Variants in NRIP2 observed in about 807,000 individuals in gnomAD.
The protein encoded by NRIP2 is nuclear receptor interacting protein 2.
NRIP2 carries 27 observed loss-of-function variants against 34.1 expected under a neutral mutation model. The ratio of observed to expected loss-of-function variants is 0.79; its 90% CI spans 0.58 to 1.09. NRIP2 has a LOEUF of 1.09. NRIP2 is among the 50% of genes least tolerant of loss of function. The pLI, the probability that NRIP2 is intolerant of heterozygous loss-of-function variation, is 0.00. For missense variants in NRIP2, 385 were observed against 352.6 expected (o/e 1.09, Z -0.74); for synonymous variants, 145 against 146.9 (o/e 0.99, Z 0.09).
intron 2 of NRIP2, chr12:2,830,492 G>T: frequency 4.0e-6 from 2 of 499,010 alleles, no homozygotes; most frequent in Non-Finnish European, 7.1e-6. Context: ...AGGAAGGGGG[G>T]CAGAGTAATG....
In NRIP2 at chr12:2,830,816, C is replaced by G; in HGVS notation, c.387G>C (p.Pro129=). The G allele has an allele frequency of 6.2e-7, 1 of 1,613,700 alleles. No homozygotes were observed. The highest frequency in any genetic ancestry group is 2.2e-5 in the East Asian group (1 of 44,846). Reference sequence around the variant, plus strand: ...GGGGAGGCTCCCCCTGAAGCCAATTCGGGTTTCCCTCCACCAGGCGTCTTT... The same window carrying G: ...GGGGAGGCTCCCCCTGAAGCCAATTGGGGTTTCCCTCCACCAGGCGTCTTT... ...VIQRRLVEGN[P]NWLQGEPPRM... is the part of the protein sequence containing the mutation. The change falls in exon 2 of 6, where the codon CCG becomes CCC. Residue 129 remains proline (P), a synonymous_variant. Transcript: ENST00000337508.
At chr12:2,834,389 C>T (rs1409594594) in intron 1 of NRIP2, among the ~76,000 whole-genome samples, 1 of 152,174 alleles carries the variant, frequency 6.6e-6, no homozygotes. Flanking sequence ...TCCTCACCAC[C>T]CTCAAGTTTG....
chr12:2,830,721 A>C lies in NRIP2; in HGVS notation c.482T>G (p.Leu161Arg), dbSNP rs774142954. ...KTSRTEIPAL[L>R]VNCKCQDQLL... ...GAGGCCTCTCACCTTGCAGTTGACC[A>C]GAAGAGCTGGAATCTCTGTCCTGCT... is the stretch of plus-strand genomic sequence containing the variant. The change falls in exon 2 of 6, where the codon CTG becomes CGG. Residue 161 changes from leucine to arginine, a missense_variant. Transcript: ENST00000337508. The C allele has an allele frequency of 1.9e-6, 3 of 1,612,168 alleles. No individual in the cohort carries two copies. The highest frequency in any genetic ancestry group is 2.5e-6 in the Non-Finnish European group (3 of 1,179,236).
At chr12:2,828,988 C>G (rs1042677630) in intron 2 of NRIP2, among the ~76,000 whole-genome samples, 2 of 151,834 alleles carry the variant, frequency 1.3e-5, no homozygotes, top group African/African-American at 4.8e-5. Context: ...TCACTTGAAG[C>G]CAGGAGTTCA....
Position 2,830,967 on chromosome 12 carries a change from C to G in NRIP2, c.343-107G>C, listed in dbSNP as rs11612419. On this transcript the variant is annotated intron_variant, in intron 1 of 5. Transcript: ENST00000337508. ...CAGGATGCTCCCCCCACCCCCCCAG[C>G]CCTGAGCCTTACCCTAGGAGTTTAC... 1.2e-5 allele frequency: 15 copies of G among 1,206,840 alleles called. 1 individual carries two copies. In the Admixed American group the frequency reaches 1.9e-4, roughly 15 times the overall value. The allele number at this position is 1,206,840 out of a possible 1,614,324, so 74.8% of individuals were successfully genotyped here. A position where few individuals can be genotyped will look rare whatever the true frequency, so the allele number is the denominator to read the frequency against.
At chr12:2,829,385 C>T (rs574834996) in intron 2 of NRIP2, among the ~76,000 whole-genome samples, 5 of 152,258 alleles carry the variant, frequency 3.3e-5, no homozygotes, top group South Asian at 2.1e-4. Flanking sequence ...GATATGTTAC[C>T]GGAAGGTATA....
chr12:2,834,495 T>G, intron 1 of NRIP2, 147 bp downstream of exon 1: 1 of 1,155,022 alleles, frequency 8.7e-7, no homozygotes, highest in South Asian at 1.9e-5. Flanking sequence ...GAGCCTTGAG[T>G]TGGCAGGATG....
In NRIP2 at chr12:2,827,986, C is replaced by T. The variant is rs1202611325; in HGVS notation, c.640G>A (p.Val214Met). ...CCCAGCTGTAGCTCCAACTGCTCCA[C>T]CTGGGTTGGGGGCCCAGGGGCCAGG... Reference protein sequence around the residue: ...GDLAPGPPTQVEQLELQLGQE... With the variant: ...GDLAPGPPTQMEQLELQLGQE... Residue 214 changes from valine (V) to methionine (M), a missense_variant, in exon 4 of 6, where the codon GTG becomes ATG. By Grantham distance (21) the Val-to-Met change is conservative. Transcript: ENST00000337508. The surrounding 1 kb of genome is among the most constrained non-coding windows in gnomAD (Gnocchi z 4.0). 6.2e-7 allele frequency: 1 copy of T among 1,614,238 alleles called. No homozygotes were observed.
At position 2,827,794 on chromosome 12, in the gene NRIP2, A is replaced by G; in HGVS notation, c.701-117T>C. ...CATCCCCAGATCCGAGGACACTGGC[A>G]CAGAGATGGGGGATAGTCAGAACAT... On this transcript the variant is annotated intron_variant, in intron 4 of 5. Transcript: ENST00000337508. The surrounding 1 kb of genome is among the most constrained non-coding windows in gnomAD (Gnocchi z 4.0). 1 of 1,604,484 alleles carries G rather than the reference A, an allele frequency of 6.2e-7. No homozygotes were observed. Among genetic ancestry groups the G allele is most frequent in the South Asian group, 1.1e-5 (1 of 89,734 alleles).
rs781702788 is a variant in NRIP2, at chr12:2,830,750, C to G, written c.453G>C (p.Lys151Asn). 29 of 1,613,712 alleles carry G rather than the reference C, an allele frequency of 1.8e-5. No individual in the cohort carries two copies. The highest frequency in any genetic ancestry group is 2.5e-5 in the Non-Finnish European group (29 of 1,179,908). ...DLIHGQESRR[K>N]TSRTEIPALL... ...GAGCTGGAATCTCTGTCCTGCTGGT[C>G]TTCCTCCTGCTCTCCTGGCCATGAA... The change falls in exon 2 of 6, where the codon AAG (lysine) becomes AAC (asparagine). Residue 151 changes from lysine to asparagine, a missense_variant. By Grantham distance (94) the Lys-to-Asn change is moderately conservative. Coordinates refer to ENST00000337508, the MANE Select transcript of NRIP2 (RefSeq NM_031474.3).
At chr12:2,828,464 T>G in intron 2 of NRIP2, 50 bp from the exon 3 acceptor site, 3 of 1,373,454 alleles carry the variant, frequency 2.2e-6, no homozygotes, top group Non-Finnish European at 2.1e-6. Context: ...GAGAATGGGT[T>G]GGAATTGGAT....
In NRIP2 at chr12:2,827,706, G is replaced by A; in HGVS notation, c.701-29C>T. Reference sequence around the variant, plus strand: ...TAGGAACAATTTGAAAACAGAAGAGGCTGAGGGTTCCCAGTGGTCACTGCT... The same window carrying A: ...TAGGAACAATTTGAAAACAGAAGAGACTGAGGGTTCCCAGTGGTCACTGCT... On this transcript the variant is annotated intron_variant, in intron 4 of 5. Transcript: ENST00000337508. This position sits in a 1 kb window ranked among gnomAD's most constrained non-coding sequence, Gnocchi z 4.0. 2 of 1,613,684 alleles carry A rather than the reference G, an allele frequency of 1.2e-6. No homozygotes were observed. The highest frequency in any genetic ancestry group is 1.8e-4 in the Middle Eastern group (1 of 5,668).
Position 2,828,409 on chromosome 12 carries a change from C to G in NRIP2, c.501G>C (p.Gln167His), listed in dbSNP as rs1187401968. The change falls in exon 3 of 6, where the codon CAG (glutamine) becomes CAC (histidine). Residue 167 changes from glutamine (Q) to histidine (H), a missense_variant. Physicochemically the swap from Gln to His is conservative, Grantham distance 24 (BLOSUM62 0). Transcript: ENST00000337508. ...CAACGGCCACTCTAAGCAGCTGGTC[C>G]TGGCACTAAGAAAGAAGAATCGTGG... ...IPALLVNCKC[Q>H]DQLLRVAVDT... is the part of the protein sequence containing the mutation. 5 of 1,613,756 alleles carry G rather than the reference C, an allele frequency of 3.1e-6. No individual in the cohort carries two copies. The highest frequency in any genetic ancestry group is 4.2e-6 in the Non-Finnish European group (5 of 1,179,884).
intron 2 of NRIP2, among the ~76,000 whole-genome samples, chr12:2,829,443 C>G (rs1565428248): frequency 6.6e-6 from 1 of 152,126 alleles, no homozygotes; most frequent in African/African-American, 2.4e-5. Context: ...TAATATAACT[C>G]TACTATATGG....
chr12:2,827,161 C>T lies in NRIP2; in HGVS notation c.*46G>A. The T allele has an allele frequency of 3.7e-6, 6 of 1,613,234 alleles. No homozygotes were observed. Among genetic ancestry groups the T allele is most frequent in the Non-Finnish European group, 4.2e-6 (5 of 1,179,708 alleles). On this transcript the variant is annotated 3_prime_UTR_variant, in exon 6 of 6. Coordinates refer to ENST00000337508, the MANE Select transcript of NRIP2 (RefSeq NM_031474.3). This position sits in a 1 kb window ranked among gnomAD's most constrained non-coding sequence, Gnocchi z 4.0. ...AGCCCCCGTTCCCCACACGCCTCTT[C>T]TTCTAAGGCAAGGTCTTTCCCTCTG...
chr12:2,833,482 G>C (rs1442300162), intron 1 of NRIP2, among the ~76,000 whole-genome samples: 1 of 152,140 alleles, frequency 6.6e-6, no homozygotes, highest in Non-Finnish European at 1.5e-5. Flanking sequence ...CTGGAAAGGT[G>C]GAGCTAAGTA....
chr12:2,829,542 G>C (rs1351843756), intron 2 of NRIP2, among the ~76,000 whole-genome samples: 1 of 152,148 alleles, frequency 6.6e-6, no homozygotes, highest in East Asian at 1.9e-4. Context: ...GGGAGGCCAA[G>C]GTGGAAGGAT....
rs1294552905 is a variant in NRIP2, at chr12:2,830,861, C to G, written c.343-1G>C. The G allele has an allele frequency of 6.2e-7, 1 of 1,611,728 alleles. No homozygotes were observed. Among genetic ancestry groups the G allele is most frequent in the South Asian group, 1.1e-5 (1 of 90,698 alleles). ...GTCTTTGGATCACACTGCGCGGCTG[C>G]TGGCTCCATCACAAAACAATGAAGG... On this transcript the variant is annotated splice_acceptor_variant, in intron 1 of 5. Transcript: ENST00000337508. LOFTEE classifies it high-confidence loss of function.
At chr12:2,834,536 C>T in intron 1 of NRIP2, 106 bp downstream of exon 1, 6 of 1,457,802 alleles carry the variant, frequency 4.1e-6, no homozygotes, top group Non-Finnish European at 4.5e-6. Flanking sequence ...GGGAGCGGGA[C>T]CTGAAAGCTG....
Sources: allele counts gnomAD v4.1 joint callset (sites outside exome capture counted in the v4.1 genomes callset), GRCh38; gene constraint gnomAD v4.1.1; non-coding constraint Gnocchi (gnomAD v3.1); transcripts MANE v1.5; gene names NCBI Gene and HGNC (gene_info 2026-07-23, HGNC 2026-07-21).